Variants in ACRV1 observed in about 807,000 individuals in gnomAD.
ACRV1 encodes acrosomal protein SP-10.
A neutral mutation model predicts 29.2 loss-of-function variants in ACRV1; 17 were observed. The ratio of observed to expected loss-of-function variants is 0.58; its 90% CI spans 0.40 to 0.87. ACRV1 has a LOEUF of 0.87. ACRV1 is among the 40% of genes least tolerant of loss of function. ACRV1 has a pLI of 0.00. For synonymous variants in ACRV1, 98 were observed against 111.6 expected (o/e 0.88, Z 0.77); for missense variants, 294 against 316.0 (o/e 0.93, Z 0.53).
At chr11:125,679,527 C>G (rs1008916198) in intron 1 of ACRV1, among the ~76,000 whole-genome samples, 1 of 152,164 alleles carries the variant, frequency 6.6e-6, no homozygotes, top group Admixed American at 6.5e-5. Flanking sequence ...CAATCCATCT[C>G]ATCATTGACT....
At chr11:125,680,688 A>AC (rs2134136227) in intron 1 of ACRV1, 41 bp downstream of exon 1, 1 of 1,568,666 alleles carries the variant, frequency 6.4e-7, no homozygotes, top group East Asian at 2.2e-5. Flanking sequence ...CTTAAGGGAG[A>AC]CCCCTTTTGT....
chr11:125,676,289 C>G, intron 3 of ACRV1, 70 bp downstream of exon 3: 1 of 1,576,136 alleles, frequency 6.3e-7, no homozygotes, highest in East Asian at 2.3e-5. Flanking sequence ...CCTGTCATTC[C>G]AACTGCCCCC....
intron 1 of ACRV1, 49 bp downstream of exon 1, chr11:125,680,680 T>TA: frequency 6.4e-7 from 1 of 1,551,524 alleles, no homozygotes. Flanking sequence ...TGAAATGTCT[T>TA]AAGGGAGACC....
At chr11:125,675,003 C>T (rs1942420759) in intron 3 of ACRV1, among the ~76,000 whole-genome samples, 1 of 152,172 alleles carries the variant, frequency 6.6e-6, no homozygotes, top group Non-Finnish European at 1.5e-5. Context: ...ACCCATCAAC[C>T]ATTGCTGTAT....
intron 2 of ACRV1, among the ~76,000 whole-genome samples, chr11:125,676,829 T>A (rs1398320268): frequency 6.6e-6 from 1 of 152,184 alleles, no homozygotes; most frequent in East Asian, 1.9e-4. Context: ...CCTTTTGTAC[T>A]CCCCATCATA....
chr11:125,679,216 C>CTTTTTTTTTTTTTTTTTTTT lies in ACRV1; in HGVS notation c.53-920_53-919insAAAAAAAAAAAAAAAAAAAA, dbSNP rs71045115. Among the ~76,000 whole-genome samples the CTTTTTTTTTTTTTTTTTTTT allele has an allele frequency of 3.0e-3, 364 of 120,996 alleles. 25 individuals are homozygous for CTTTTTTTTTTTTTTTTTTTT. The highest frequency in any genetic ancestry group is 0.011 in the African/African-American group (340 of 31,590). The allele number at this position is 120,996 out of a possible 152,430, so 79.4% of individuals were successfully genotyped here. On this transcript the variant is annotated intron_variant, in intron 1 of 3. Transcript: ENST00000533904. ...TCTTCTACCTTTAATCCGTCTCTTT[C>CTTTTTTTTTTTTTTTTTTTT]TTTTTTTTTTTTTGTTTCAAAGATA...
intron 1 of ACRV1, among the ~76,000 whole-genome samples, chr11:125,679,399 G>T (rs1942695649): frequency 6.6e-6 from 1 of 151,750 alleles, no homozygotes; most frequent in Non-Finnish European, 1.5e-5. Context: ...TGTATTTTTA[G>T]TAGAGACAGG....
Position 125,680,763 on chromosome 11 carries a change from C to A in ACRV1, c.18G>T (p.Leu6Phe). The A allele has an allele frequency of 6.2e-7, 1 of 1,613,770 alleles. No individual in the cohort carries two copies. The highest frequency in any genetic ancestry group is 8.5e-7 in the Non-Finnish European group (1 of 1,179,772). Residue 6 changes from leucine (L) to phenylalanine (F), a missense_variant, in exon 1 of 4, where the codon TTG (leucine) becomes TTT (phenylalanine). Leu to Phe is a conservative substitution (Grantham distance 22). Transcript: ENST00000533904. MNRFL[L>F]LMSLYLLGSA... ...ATCCAAGCAGATAAAGACTCATTAG[C>A]AAGAGAAACCTGTTCATCTGGATTT...
At chr11:125,672,864 TG>T in intron 3 of ACRV1, 147 bp from the exon 4 acceptor site, 1 of 1,052,078 alleles carries the variant, frequency 9.5e-7, no homozygotes, top group Non-Finnish European at 1.3e-6. Context: ...TTGCTTCCTC[TG>T]GGAACTTGCC....
intron 2 of ACRV1, 82 bp from the exon 3 acceptor site, chr11:125,676,560 G>A: frequency 6.6e-7 from 1 of 1,513,126 alleles, no homozygotes; most frequent in South Asian, 1.2e-5. Flanking sequence ...GGGGTAATGG[G>A]CAATAGGTAG....
At chr11:125,673,110 G>A (rs561242061) in intron 3 of ACRV1, among the ~76,000 whole-genome samples, 2 of 151,502 alleles carry the variant, frequency 1.3e-5, no homozygotes, top group East Asian at 3.9e-4. Context: ...TCTCTCAAAA[G>A]TCATAGAGAT....
chr11:125,677,914 C>T lies in ACRV1; in HGVS notation c.436G>A (p.Gly146Ser), dbSNP rs112660381. 3 of 1,614,016 alleles carry T rather than the reference C, an allele frequency of 1.9e-6. No homozygotes were observed. Among genetic ancestry groups the T allele is most frequent in the African/African-American group, 1.3e-5 (1 of 75,010 alleles). Residue 146 changes from glycine (G) to serine (S), a missense_variant, in exon 2 of 4, where the codon GGT becomes AGT. Gly to Ser is a moderately conservative substitution (Grantham distance 56). Transcript: ENST00000533904. ...GEQPSDEQPS[G>S]EHGSGEQPSG... ...GGCTGTTCACCGGAGCCATGTTCAC[C>T]TGAAGGCTGTTCATCTGAAGGCTGT...
In ACRV1 at chr11:125,677,979, A is replaced by G. The variant is rs773935296; in HGVS notation, c.371T>C (p.Leu124Pro). 1 of 1,612,268 alleles carries G rather than the reference A, an allele frequency of 6.2e-7. No individual in the cohort carries two copies. The highest frequency in any genetic ancestry group is 8.5e-7 in the Non-Finnish European group (1 of 1,178,670). The change falls in exon 2 of 4, where the codon CTC becomes CCC. Residue 124 changes from leucine to proline, a missense_variant. Transcript: ENST00000533904. ...CTCACTCAAAGGCTGTTCTCCGGAG[A>G]GGTGTTCACCTGAAGGCTGTTCTCC... ...PSGEQPSGEHLSGEQPLSELE... is the reference protein window; with the variant it reads ...PSGEQPSGEHPSGEQPLSELE...
intron 3 of ACRV1, among the ~76,000 whole-genome samples, chr11:125,675,055 T>C (rs965483740): frequency 1.3e-5 from 2 of 152,222 alleles, no homozygotes; most frequent in African/African-American, 4.8e-5. Flanking sequence ...CACATCGGAA[T>C]TGTCTAGGAG....
intron 3 of ACRV1, among the ~76,000 whole-genome samples, chr11:125,673,212 C>CTTTTT (rs11434532): frequency 1.6e-5 from 2 of 126,840 alleles, no homozygotes; most frequent in African/African-American, 6.2e-5. Flanking sequence ...CTTTTCTTTT[C>CTTTTT]TTTTTTTTTT....
Position 125,678,164 on chromosome 11 carries a change from C to G in ACRV1, c.186G>C (p.Leu62=), listed in dbSNP as rs746740200. 4 of 1,614,052 alleles carry G rather than the reference C, an allele frequency of 2.5e-6. No individual in the cohort carries two copies. The highest frequency in any genetic ancestry group is 1.7e-5 in the Admixed American group (1 of 60,000). The change falls in exon 2 of 4, where the codon CTG becomes CTC. Residue 62 remains leucine (L), a synonymous_variant. Coordinates refer to ENST00000533904, the MANE Select transcript of ACRV1 (RefSeq NM_001612.6). ...TGGAACCATGCTCACTTAAAGTGTT[C>G]AGGCCTGAAGAAGTCTCATATAAAG... is the stretch of plus-strand genomic sequence containing the variant. ...AEALYETSSG[L]NTLSEHGSSE...
chr11:125,672,562 C>T lies in ACRV1; in HGVS notation c.*31G>A. 1 of 1,611,020 alleles carries T rather than the reference C, an allele frequency of 6.2e-7. No homozygotes were observed. Among genetic ancestry groups the T allele is most frequent in the East Asian group, 2.2e-5 (1 of 44,838 alleles). ...ATAGAGTGATGGAGGCTTTTTACTGCCTGAGTCAAAACAAGCAAGGGCCCA... is the reference window on the plus strand; with the variant it reads ...ATAGAGTGATGGAGGCTTTTTACTGTCTGAGTCAAAACAAGCAAGGGCCCA... On this transcript the variant is annotated 3_prime_UTR_variant, in exon 4 of 4. Coordinates refer to ENST00000533904, the MANE Select transcript of ACRV1 (RefSeq NM_001612.6).
rs546519613 is a variant in ACRV1, at chr11:125,676,200, G to A, written c.673+159C>T. On this transcript the variant is annotated intron_variant, in intron 3 of 3. Coordinates refer to ENST00000533904, the MANE Select transcript of ACRV1 (RefSeq NM_001612.6). ...TGGGATTTTAGGTGTGAGCCACCTC[G>A]CCTGGCAAGGGATTCTGTTCTTAGT... is the stretch of plus-strand genomic sequence containing the variant. The A allele has an allele frequency of 2.5e-4, 233 of 945,416 alleles. 1 individual carries two copies. Among genetic ancestry groups the A allele is most frequent in the Middle Eastern group, 2.1e-3 (9 of 4,256 alleles). The allele number at this position is 945,416 out of a possible 1,614,324, so 58.6% of individuals were successfully genotyped here.
Position 125,672,302 on chromosome 11 carries a change from T to TGG in ACRV1, c.*289_*290dup, listed in dbSNP as rs1942224512. The TGG allele has an allele frequency of 3.7e-6, 1 of 267,478 alleles. No homozygotes were observed. Among genetic ancestry groups the TGG allele is most frequent in the East Asian group, 7.8e-5 (1 of 12,838 alleles). 16.6% of individuals were successfully genotyped at this position (267,478 alleles called of 1,614,324 possible). A position where few individuals can be genotyped will look rare whatever the true frequency, so the allele number is the denominator to read the frequency against. The stretch of plus-strand genomic sequence containing the variant: ...CATGTTGACCCTGCAACTAGATTAA[T>TGG]GGGGGAAAAAAAGGTCTGTCTTGAG... On this transcript the variant is annotated 3_prime_UTR_variant, in exon 4 of 4. Transcript: ENST00000533904.
Sources: allele counts gnomAD v4.1 joint callset (sites outside exome capture counted in the v4.1 genomes callset), GRCh38; gene constraint gnomAD v4.1.1; transcripts MANE v1.5; gene names NCBI Gene and HGNC (gene_info 2026-07-23, HGNC 2026-07-21).